BMPR2: variants seen among roughly 807,000 people sequenced by gnomAD.
The protein encoded by BMPR2 is bone morphogenetic protein receptor type 2.
In BMPR2, 29 loss-of-function variants were observed where a neutral mutation model predicts 100.8. That is an observed-to-expected ratio of 0.29 (90% confidence interval 0.21 to 0.39). The LOEUF (loss-of-function observed/expected upper bound fraction) is 0.39, where lower values mean the gene tolerates loss of function less well. Among genes scored for constraint, BMPR2 ranks in the 10% least tolerant of loss-of-function variants. BMPR2 has a pLI of 1.00. For missense variants in BMPR2, 1,011 were observed against 1,274.5 expected, an observed-to-expected ratio of 0.79 and a Z score of 3.15; for synonymous variants, 382 against 442.3, an observed-to-expected ratio of 0.86 and a Z score of 1.71.
intron 3 of BMPR2, among the ~76,000 whole-genome samples, chr2:202,484,027 GA>G (rs1328706448): frequency 6.6e-6 from 1 of 152,218 alleles, no homozygotes; most frequent in East Asian, 1.9e-4. Flanking sequence ...CTAGGAGTTT[GA>G]GGCTGCAGTG....
chr2:202,476,453 A>G (rs952398554), intron 3 of BMPR2, among the ~76,000 whole-genome samples: 1 of 152,210 alleles, frequency 6.6e-6, no homozygotes, highest in African/African-American at 2.4e-5. Flanking sequence ...TTCAAAACCA[A>G]GATGAGACTA....
chr2:202,462,198 G>T (rs956619853), intron 1 of BMPR2, among the ~76,000 whole-genome samples: 1 of 150,956 alleles, frequency 6.6e-6, no homozygotes, highest in Non-Finnish European at 1.5e-5. Context: ...CTTCTCCCTT[G>T]CATGCAGTCC....
At chr2:202,393,931 G>GAGAGAGAGAGAGAGAT (rs1367568037) in intron 1 of BMPR2, among the ~76,000 whole-genome samples, 2 of 123,860 alleles carry the variant, frequency 1.6e-5, no homozygotes, top group African/African-American at 6.5e-5. Flanking sequence ...GAGAGAGAGA[G>GAGAGAGAGAGAGAGAT]AGATTCCTGT....
chr2:202,550,408 G>T (rs1574504016), intron 10 of BMPR2, among the ~76,000 whole-genome samples: 1 of 150,640 alleles, frequency 6.6e-6, no homozygotes, highest in South Asian at 2.1e-4. Context: ...TGTAGAAATG[G>T]AATCTTGCTA....
intron 1 of BMPR2, among the ~76,000 whole-genome samples, chr2:202,440,350 G>C (rs967791289): frequency 4.1e-5 from 6 of 147,786 alleles, no homozygotes; most frequent in African/African-American, 1.6e-4. Flanking sequence ...GGGCACAGGC[G>C]CTCCTCACAT....
rs181362353 is a variant in BMPR2, at chr2:202,424,353, G to T, written c.77-40456G>T. 3.8e-4 allele frequency among the ~76,000 whole-genome samples: 57 copies of T among 151,288 alleles called. 1 individual carries two copies. In the East Asian group the frequency reaches 7.5e-3, roughly 20 times the overall value. ...TGTGCCACTGCACTTCAGCCTGGGC[G>T]ACAGAGCAGGACTTCGTCTGAAGAA... On this transcript the variant is annotated intron_variant, in intron 1 of 12. Coordinates refer to ENST00000374580, the MANE Select transcript of BMPR2 (RefSeq NM_001204.7).
At chr2:202,482,982 A>G (rs1336155786) in intron 3 of BMPR2, among the ~76,000 whole-genome samples, 1 of 151,900 alleles carries the variant, frequency 6.6e-6, no homozygotes, top group African/African-American at 2.4e-5. Flanking sequence ...GCCTAGTTTT[A>G]ATTTTTTGAG....
At chr2:202,457,466 G>GA (rs1433904380) in intron 1 of BMPR2, among the ~76,000 whole-genome samples, 1 of 143,742 alleles carries the variant, frequency 7.0e-6, no homozygotes, top group African/African-American at 2.6e-5. Flanking sequence ...AATGAAAGAA[G>GA]AAACAGAAAA....
intron 1 of BMPR2, among the ~76,000 whole-genome samples, chr2:202,424,070 C>G (rs1413226617): frequency 6.8e-5 from 4 of 58,752 alleles, no homozygotes; most frequent in East Asian, 5.0e-4. Context: ...AAGACTGTCT[C>G]AAAAAAAAAA....
At chr2:202,449,999 A>G (rs1362780094) in intron 1 of BMPR2, among the ~76,000 whole-genome samples, 2 of 152,112 alleles carry the variant, frequency 1.3e-5, no homozygotes. Flanking sequence ...GATCCCAGCA[A>G]TCTGGGGGGC....
chr2:202,467,466 C>G (rs1189691749), intron 2 of BMPR2, 53 bp from the exon 3 acceptor site: 1 of 1,466,890 alleles, frequency 6.8e-7, no homozygotes, highest in Non-Finnish European at 9.5e-7. Flanking sequence ...TTGTTTTTCT[C>G]TTAGTTTTCT....
At chr2:202,480,159 G>A (rs769753215) in intron 3 of BMPR2, among the ~76,000 whole-genome samples, 1 of 150,728 alleles carries the variant, frequency 6.6e-6, no homozygotes, top group Non-Finnish European at 1.5e-5. Context: ...TTTAAATGGA[G>A]CCTCACTCTG....
At chr2:202,494,553 T>G (rs1191052052) in intron 3 of BMPR2, among the ~76,000 whole-genome samples, 1 of 152,256 alleles carries the variant, frequency 6.6e-6, no homozygotes, top group Admixed American at 6.5e-5. Context: ...AGGAAGTGTT[T>G]GCTTGTATAA....
At chr2:202,427,061 T>C (rs1469018227) in intron 1 of BMPR2, among the ~76,000 whole-genome samples, 2 of 152,156 alleles carry the variant, frequency 1.3e-5, no homozygotes, top group South Asian at 2.1e-4. Flanking sequence ...GTGATAATAT[T>C]GAAGGCGGGC....
chr2:202,559,170 C>T (rs2105715594), intron 12 of BMPR2, among the ~76,000 whole-genome samples: 1 of 151,910 alleles, frequency 6.6e-6, no homozygotes, highest in East Asian at 2.0e-4. Flanking sequence ...GTCATGGTGG[C>T]ATGCGCCTGT....
chr2:202,547,915 C>T (rs1018060771), intron 10 of BMPR2, among the ~76,000 whole-genome samples: 2 of 151,706 alleles, frequency 1.3e-5, no homozygotes, highest in East Asian at 1.9e-4. Flanking sequence ...GAAACCCTGT[C>T]TCTACTAAAA....
chr2:202,482,115 A>G (rs145421132), intron 3 of BMPR2, among the ~76,000 whole-genome samples: 59 of 152,338 alleles, frequency 3.9e-4, no homozygotes, highest in African/African-American at 1.3e-3. Context: ...TTCACTTAGC[A>G]TAGTGTCATG....
At chr2:202,485,136 A>G (rs998608479) in intron 3 of BMPR2, among the ~76,000 whole-genome samples, 3 of 151,952 alleles carry the variant, frequency 2.0e-5, no homozygotes, top group African/African-American at 7.3e-5. Flanking sequence ...CAATGCCCTA[A>G]TAGTTTCTAA....
intron 1 of BMPR2, among the ~76,000 whole-genome samples, chr2:202,380,211 C>G (rs936847040): frequency 6.7e-6 from 1 of 150,238 alleles, no homozygotes; most frequent in African/African-American, 2.5e-5. Context: ...AAAAAAACAA[C>G]TTATGAAAAA....
Sources: allele counts gnomAD v4.1 joint callset (sites outside exome capture counted in the v4.1 genomes callset), GRCh38; gene constraint gnomAD v4.1.1; transcripts MANE v1.5; gene names NCBI Gene and HGNC (gene_info 2026-07-23, HGNC 2026-07-21).